PCK2: variants seen among roughly 807,000 people sequenced by gnomAD.
The protein encoded by PCK2 is phosphoenolpyruvate carboxykinase [GTP], mitochondrial.
Under a neutral mutation model 65.9 loss-of-function variants are expected in PCK2, and 56 were observed. The observed-to-expected ratio is 0.85, with a 90% CI of 0.69 to 1.06. The LOEUF is 1.06. Among genes scored for constraint, PCK2 ranks in the 50% least tolerant of loss-of-function variants. The pLI is 0.00. For synonymous variants in PCK2, 305 were observed against 319.6 expected, an observed-to-expected ratio of 0.95 and a Z score of 0.49; for missense variants, 843 against 863.1, an observed-to-expected ratio of 0.98 and a Z score of 0.29.
Position 24,098,562 on chromosome 14 carries a change from A to G in PCK2, c.548A>G (p.Tyr183Cys), listed in dbSNP as rs1398271753. Reference sequence around the variant, plus strand: ...GGGGTGCAGCTCACTGACTCAGCCTATGTGGTGGCAAGCATGCGTATTATG... The same window carrying G: ...GGGGTGCAGCTCACTGACTCAGCCTGTGTGGTGGCAAGCATGCGTATTATG... ...RIGVQLTDSA[Y>C]VVASMRIMTR... Residue 183 changes from tyrosine to cysteine, a missense_variant, in exon 4 of 10, where the codon TAT becomes TGT. Physicochemically the swap from Tyr to Cys is radical, Grantham distance 194. Coordinates refer to ENST00000216780, the MANE Select transcript of PCK2 (RefSeq NM_004563.4). 6.2e-7 allele frequency: 1 copy of G among 1,613,978 alleles called. No homozygotes were observed. Among genetic ancestry groups the G allele is most frequent in the Non-Finnish European group, 8.5e-7 (1 of 1,180,012 alleles).
intron 7 of PCK2, among the ~76,000 whole-genome samples, chr14:24,101,455 T>G (rs1476375336): frequency 6.6e-6 from 1 of 152,174 alleles, no homozygotes; most frequent in African/African-American, 2.4e-5. Context: ...GCTTCATACA[T>G]GTGCCACTGA....
In PCK2 at chr14:24,098,273, C is replaced by A. The variant is rs756405454; in HGVS notation, c.346C>A (p.Gln116Lys). The change falls in exon 3 of 10, where the codon CAG (glutamine) becomes AAG (lysine). Residue 116 changes from glutamine to lysine, a missense_variant. Gln to Lys is a moderately conservative substitution (Grantham distance 53). Transcript: ENST00000216780. The stretch of plus-strand genomic sequence containing the variant: ...CAAGACGGTGATTGTAACTCCTTCT[C>A]AGCGGGACACGGTACCACTCCCGCC... ...ESKTVIVTPS[Q>K]RDTVPLPPGG... 6.2e-7 allele frequency: 1 copy of A among 1,614,072 alleles called. No individual in the cohort carries two copies. Among genetic ancestry groups the A allele is most frequent in the South Asian group, 1.1e-5 (1 of 91,084 alleles).
At chr14:24,097,552 G>A (rs1390772514) in intron 2 of PCK2, among the ~76,000 whole-genome samples, 3 of 146,768 alleles carry the variant, frequency 2.0e-5, no homozygotes, top group African/African-American at 5.0e-5. Flanking sequence ...CAATAAGAGC[G>A]AAACTCTGTC....
chr14:24,099,450 T>C (rs1415064944), intron 5 of PCK2, 108 bp from the exon 6 acceptor site: 7 of 1,130,370 alleles, frequency 6.2e-6, no homozygotes, highest in Non-Finnish European at 6.3e-6. Flanking sequence ...ACTTATATAG[T>C]TAATAAACAT....
rs1263968963 is a variant in PCK2, at chr14:24,097,119, T to C, written c.257T>C (p.Leu86Pro). 1 of 1,613,662 alleles carries C rather than the reference T, an allele frequency of 6.2e-7. No homozygotes were observed. The highest frequency in any genetic ancestry group is 1.7e-5 in the Admixed American group (1 of 59,972). The change falls in exon 2 of 10, where the codon CTC becomes CCC. Residue 86 changes from leucine (L) to proline (P), a missense_variant. By Grantham distance (98) the Leu-to-Pro change is moderately conservative. Coordinates refer to ENST00000216780, the MANE Select transcript of PCK2 (RefSeq NM_004563.4). ...GAGCAGCAGGGCCTCATCCGAAAGC[T>C]CCCCAAGTACAATAACTGGTAAGCC... ...LLEQQGLIRK[L>P]PKYNNCWLAR...
chr14:24,098,069 G>C, intron 2 of PCK2, 134 bp from the exon 3 acceptor site: 1 of 710,380 alleles, frequency 1.4e-6, no homozygotes, highest in South Asian at 1.9e-5. Context: ...TGGAGGAAGG[G>C]ACTGAGATGT....
rs778667330 is a variant in PCK2, at chr14:24,094,370, G to A, written c.-36G>A. The A allele has an allele frequency of 1.4e-5, 22 of 1,535,126 alleles. No individual in the cohort carries two copies. Among genetic ancestry groups the A allele is most frequent in the Admixed American group, 3.9e-5 (2 of 51,548 alleles). ...CTTCCATACCTCCCCGGCTCCGCTC[G>A]GTTCCTGGCCACCCCGCAGCCCCTG... On this transcript the variant is annotated 5_prime_UTR_variant, in exon 1 of 10. Transcript: ENST00000216780. This position sits in a 1 kb window ranked among gnomAD's most constrained non-coding sequence, Gnocchi z 4.1.
intron 5 of PCK2, 54 bp from the exon 6 acceptor site, chr14:24,099,504 C>T: frequency 6.6e-7 from 1 of 1,513,148 alleles, no homozygotes; most frequent in South Asian, 1.3e-5. Flanking sequence ...CCATGCAGAC[C>T]ATGCCCTGAC....
At position 24,103,119 on chromosome 14, in the gene PCK2, A is replaced by C. The variant is rs781416617; in HGVS notation, c.1373-41A>C. 7.9e-6 allele frequency: 12 copies of C among 1,525,162 alleles called. No homozygotes were observed. The Admixed American group carries it at 2.0e-4, about 26-fold the overall frequency. The allele number at this position is 1,525,162 out of a possible 1,614,324, so 94.5% of individuals were successfully genotyped here. Reference sequence around the variant, plus strand: ...CCAGAAGGGCTGGAGTTAGGGTCCAAAGAAAAGGGCTGCCTGTGACTCTGT... The same window carrying C: ...CCAGAAGGGCTGGAGTTAGGGTCCACAGAAAAGGGCTGCCTGTGACTCTGT... On this transcript the variant is annotated intron_variant, in intron 8 of 9. Coordinates refer to ENST00000216780, the MANE Select transcript of PCK2 (RefSeq NM_004563.4).
At position 24,103,581 on chromosome 14, in the gene PCK2, C is replaced by A; in HGVS notation, c.1540C>A (p.His514Asn). 1 of 1,602,298 alleles carries A rather than the reference C, an allele frequency of 6.2e-7. No individual in the cohort carries two copies. The highest frequency in any genetic ancestry group is 1.1e-5 in the South Asian group (1 of 89,562). ...CTACAACTTCGGGCACTACCTGGAA[C>A]ACTGGCTGAGCATGGAAGGGCGCAA... The part of the protein sequence containing the change: ...FGYNFGHYLE[H>N]WLSMEGRKGA... Residue 514 changes from histidine to asparagine, a missense_variant, in exon 10 of 10, where the codon CAC becomes AAC. His to Asn is a moderately conservative substitution (Grantham distance 68, BLOSUM62 1). Coordinates refer to ENST00000216780, the MANE Select transcript of PCK2 (RefSeq NM_004563.4).
chr14:24,099,971 C>T lies in PCK2; in HGVS notation c.1016-24C>T. Reference sequence around the variant, plus strand: ...CTCAAGTTTTCCTTGTTTGGTCCTTCCTTTCTTTCACTTCTCCTAACAGGT... The same window carrying T: ...CTCAAGTTTTCCTTGTTTGGTCCTTTCTTTCTTTCACTTCTCCTAACAGGT... On this transcript the variant is annotated intron_variant, in intron 6 of 9. Transcript: ENST00000216780. 3.1e-6 allele frequency: 5 copies of T among 1,614,190 alleles called. No homozygotes were observed. The South Asian group carries it at 3.3e-5, about 11-fold the overall frequency.
In PCK2 at chr14:24,102,749, C is replaced by T. The variant is rs2037211771; in HGVS notation, c.1235-4C>T. The T allele has an allele frequency of 1.2e-6, 2 of 1,612,178 alleles. No individual in the cohort carries two copies. Among genetic ancestry groups the T allele is most frequent in the South Asian group, 1.1e-5 (1 of 90,938 alleles). The stretch of plus-strand genomic sequence containing the variant: ...AATAATAGTGTTTGTATTTCCTCTG[C>T]CAGGTGACAAGGAGCCCTGTGCACA... On this transcript the variant is annotated splice_region_variant and splice_polypyrimidine_tract_variant and intron_variant, in intron 7 of 9. Transcript: ENST00000216780.
chr14:24,101,184 T>C (rs2037146859), intron 7 of PCK2, among the ~76,000 whole-genome samples: 1 of 152,222 alleles, frequency 6.6e-6, no homozygotes. Flanking sequence ...CACAGGCTAG[T>C]TCCCCAACCC....
chr14:24,096,818 TTCTGTC>T, intron 1 of PCK2, 68 bp from the exon 2 acceptor site: 1 of 1,379,520 alleles, frequency 7.2e-7, no homozygotes, highest in Non-Finnish European at 1.0e-6. Flanking sequence ...AGCCCAAGCT[TTCTGTC>T]TCTCCACCAC....
chr14:24,103,142 T>C lies in PCK2; in HGVS notation c.1373-18T>C, dbSNP rs769923011. The C allele has an allele frequency of 1.3e-6, 2 of 1,593,634 alleles. No homozygotes were observed. The highest frequency in any genetic ancestry group is 1.7e-6 in the Non-Finnish European group (2 of 1,161,470). Reference sequence around the variant, plus strand: ...CAAAGAAAAGGGCTGCCTGTGACTCTGTTCATTGGTGATCTAGGGGTACCC... The same window carrying C: ...CAAAGAAAAGGGCTGCCTGTGACTCCGTTCATTGGTGATCTAGGGGTACCC... On this transcript the variant is annotated intron_variant, in intron 8 of 9. Coordinates refer to ENST00000216780, the MANE Select transcript of PCK2 (RefSeq NM_004563.4).
chr14:24,098,762 C>T (rs1471164765), intron 4 of PCK2, 84 bp downstream of exon 4: 2 of 1,186,810 alleles, frequency 1.7e-6, no homozygotes, highest in Non-Finnish European at 2.4e-6. Flanking sequence ...TCCACAGACC[C>T]TAAGAACCTG....
chr14:24,100,020 G>C lies in PCK2; in HGVS notation c.1041G>C (p.Glu347Asp). 6.2e-7 allele frequency: 1 copy of C among 1,614,132 alleles called. No homozygotes were observed. Among genetic ancestry groups the C allele is most frequent in the Non-Finnish European group, 8.5e-7 (1 of 1,180,002 alleles). Residue 347 changes from glutamate to aspartate, a missense_variant, in exon 7 of 10, where the codon GAG (glutamate) becomes GAC (aspartate). Physicochemically the swap from Glu to Asp is conservative, Grantham distance 45. Transcript: ENST00000216780. ...SEGRLRAINPENGFFGVAPGT... is the reference protein window; with the variant it reads ...SEGRLRAINPDNGFFGVAPGT... ...GTCGACTCCGGGCCATCAACCCTGA[G>C]AACGGCTTCTTTGGGGTTGCCCCTG...
At chr14:24,100,370 C>T (rs1372553596) in intron 7 of PCK2, 157 bp downstream of exon 7, 5 of 1,427,776 alleles carry the variant, frequency 3.5e-6, no homozygotes, top group Non-Finnish European at 3.7e-6. Flanking sequence ...AATCTCAGTT[C>T]ATGTCCCAAC....
chr14:24,102,686 C>T, intron 7 of PCK2, 67 bp from the exon 8 acceptor site: 1 of 1,354,452 alleles, frequency 7.4e-7, no homozygotes, highest in Non-Finnish European at 1.0e-6. Context: ...GAATGTGTGC[C>T]CATGTATGTG....
Sources: allele counts gnomAD v4.1 joint callset (sites outside exome capture counted in the v4.1 genomes callset), GRCh38; gene constraint gnomAD v4.1.1; non-coding constraint Gnocchi (gnomAD v3.1); transcripts MANE v1.5; gene names NCBI Gene and HGNC (gene_info 2026-07-23, HGNC 2026-07-21).